NSD1: variants seen among roughly 807,000 people sequenced by gnomAD.
NSD1 encodes histone-lysine N-methyltransferase, H3 lysine-36 specific.
Under a neutral mutation model 242.7 loss-of-function variants are expected in NSD1, and 26 were observed. The observed-to-expected ratio is 0.11, with a 90% CI of 0.08 to 0.15. NSD1 has a LOEUF of 0.15. Ranked by LOEUF, NSD1 falls within the 10% of genes least tolerant of loss-of-function variation. The pLI, the probability that NSD1 is intolerant of heterozygous loss-of-function variation, is 1.00. For synonymous variants in NSD1, 1,106 were observed against 1,178.1 expected (o/e 0.94, Z 1.25); for missense variants, 2,495 against 3,272.8 (o/e 0.76, Z 5.80).
In NSD1 at chr5:177,158,333, C is replaced by CTTTCT. The variant is rs1158787171; in HGVS notation, c.927+22306_927+22310dup. Among the ~76,000 whole-genome samples, 39 of 123,016 alleles carry CTTTCT rather than the reference C, an allele frequency of 3.2e-4. 1 individual carries two copies. Among genetic ancestry groups the CTTTCT allele is most frequent in the Admixed American group, 7.8e-4 (9 of 11,592 alleles). 80.7% of individuals were successfully genotyped at this position (123,016 alleles called of 152,430 possible). On this transcript the variant is annotated intron_variant, in intron 2 of 22. Coordinates refer to ENST00000439151, the MANE Select transcript of NSD1 (RefSeq NM_022455.5). ...TTCTTTTCTTTCTTTTCTTTCTTTTCTTTCTTTCTTTCTTTCTTTTTTTAG... is the reference window on the plus strand; with the variant it reads ...TTCTTTTCTTTCTTTTCTTTCTTTTCTTTCTTTTCTTTCTTTCTTTCTTTTTTTAG...
chr5:177,189,175 C>A (rs1043615607), intron 2 of NSD1, among the ~76,000 whole-genome samples: 1 of 152,270 alleles, frequency 6.6e-6, no homozygotes, highest in Non-Finnish European at 1.5e-5. Flanking sequence ...ACTAGTTACT[C>A]ATTTTGATGG....
intron 5 of NSD1, among the ~76,000 whole-genome samples, chr5:177,217,737 G>A (rs557464383): frequency 6.3e-5 from 9 of 142,782 alleles, no homozygotes; most frequent in African/African-American, 2.4e-4. Context: ...GCGCGATCTC[G>A]GCTCACTGCA....
At chr5:177,291,466 A>G (rs953808933) in intron 21 of NSD1, among the ~76,000 whole-genome samples, 2 of 152,190 alleles carry the variant, frequency 1.3e-5, no homozygotes, top group Non-Finnish European at 2.9e-5. Context: ...CAGCTTAACC[A>G]ATATGCTGAA....
At chr5:177,158,064 T>G (rs1305754412) in intron 2 of NSD1, among the ~76,000 whole-genome samples, 1 of 152,234 alleles carries the variant, frequency 6.6e-6, no homozygotes, top group Non-Finnish European at 1.5e-5. Flanking sequence ...TGTGAAAATT[T>G]GTATTAAAGT....
intron 2 of NSD1, among the ~76,000 whole-genome samples, chr5:177,157,951 C>T (rs1462229199): frequency 1.3e-5 from 2 of 152,198 alleles, no homozygotes; most frequent in Non-Finnish European, 2.9e-5. Context: ...TTCCATTTTA[C>T]TGCTGAATAT....
chr5:177,172,279 T>A (rs1197262112), intron 2 of NSD1, among the ~76,000 whole-genome samples: 1 of 152,082 alleles, frequency 6.6e-6, no homozygotes, highest in African/African-American at 2.4e-5. Flanking sequence ...GAGGCCAAGG[T>A]GGGAGAATTT....
chr5:177,240,736 A>C (rs1371355554), intron 8 of NSD1, among the ~76,000 whole-genome samples: 1 of 151,828 alleles, frequency 6.6e-6, no homozygotes, highest in Non-Finnish European at 1.5e-5. Context: ...ATCTATTGTG[A>C]TGGCTCAAGC....
At chr5:177,151,814 C>T (rs987824321) in intron 2 of NSD1, among the ~76,000 whole-genome samples, 4 of 152,026 alleles carry the variant, frequency 2.6e-5, no homozygotes, top group Non-Finnish European at 5.9e-5. Context: ...ACCTCTGCCC[C>T]TTTGAGTAGG....
At chr5:177,258,738 A>T (rs1194367426) in intron 13 of NSD1, among the ~76,000 whole-genome samples, 1 of 151,260 alleles carries the variant, frequency 6.6e-6, no homozygotes, top group African/African-American at 2.4e-5. Flanking sequence ...GTTTCATCAT[A>T]TCGGTCAGGC....
At chr5:177,259,922 ACT>A in intron 13 of NSD1, 65 bp from the exon 14 acceptor site, 2 of 1,547,010 alleles carry the variant, frequency 1.3e-6, no homozygotes, top group Non-Finnish European at 1.8e-6. Flanking sequence ...GACTTGAATA[ACT>A]CACATTCTTT....
intron 2 of NSD1, among the ~76,000 whole-genome samples, chr5:177,163,873 C>CT (rs1322880770): frequency 6.6e-6 from 1 of 152,166 alleles, no homozygotes; most frequent in African/African-American, 2.4e-5. Context: ...GCTTTCAGAG[C>CT]ATTTACTTTC....
rs1317942329 is a variant in NSD1, at chr5:177,297,314, AAAGG to A, written c.*1859_*1862del. On this transcript the variant is annotated 3_prime_UTR_variant, in exon 23 of 23. Coordinates refer to ENST00000439151, the MANE Select transcript of NSD1 (RefSeq NM_022455.5). Reference sequence around the variant, plus strand: ...TCAAAGAGGAAAAGCTCTTTGTTCAAAAGGAAGAGAAAACGTAAAGCATCTTATT... The same window carrying A: ...TCAAAGAGGAAAAGCTCTTTGTTCAAAAGAGAAAACGTAAAGCATCTTATT... The A allele has an allele frequency of 1.7e-5, 4 of 231,108 alleles. No individual in the cohort carries two copies. Among genetic ancestry groups the A allele is most frequent in the Non-Finnish European group, 3.4e-5 (4 of 116,862 alleles). 14.3% of individuals were successfully genotyped at this position (231,108 alleles called of 1,614,324 possible).
At position 177,280,545 on chromosome 5, in the gene NSD1, A is replaced by G; in HGVS notation, c.5623-20A>G. On this transcript the variant is annotated intron_variant, in intron 17 of 22. Transcript: ENST00000439151. ...TCTGCTGACTTGTTTTATGCGGTGT[A>G]CTTTGTGTTACTTTTCCAGGTAAAC... is the stretch of plus-strand genomic sequence containing the variant. 6.2e-7 allele frequency: 1 copy of G among 1,614,194 alleles called. No homozygotes were observed. The highest frequency in any genetic ancestry group is 8.5e-7 in the Non-Finnish European group (1 of 1,180,024).
intron 13 of NSD1, among the ~76,000 whole-genome samples, chr5:177,257,840 T>TA (rs767050679): frequency 0.046 from 6,891 of 150,444 alleles, 173 homozygotes; most frequent in South Asian, 0.081. Context: ...TTATTTTATT[T>TA]TATTTTTTTT....
In NSD1 at chr5:177,295,654, T is replaced by C; in HGVS notation, c.*195T>C. On this transcript the variant is annotated 3_prime_UTR_variant, in exon 23 of 23. Transcript: ENST00000439151. The surrounding 1 kb of genome is among the most constrained non-coding windows in gnomAD (Gnocchi z 4.3). ...TGGGGGCTTATGGTTGTGTGAACCA[T>C]GTATGAAAATCCAGTGGGCCCCAAC... is the stretch of plus-strand genomic sequence containing the variant. The C allele has an allele frequency of 3.0e-6, 2 of 671,000 alleles. No homozygotes were observed. Among genetic ancestry groups the C allele is most frequent in the Middle Eastern group, 4.1e-4 (1 of 2,438 alleles). The allele number at this position is 671,000 out of a possible 1,614,324, so 41.6% of individuals were successfully genotyped here. A position where few individuals can be genotyped will look rare whatever the true frequency, so the allele number is the denominator to read the frequency against.
Position 177,238,137 on chromosome 5 carries a change from T to C in NSD1, c.3922-100T>C, listed in dbSNP as rs1765599416. 30 of 1,363,116 alleles carry C rather than the reference T, an allele frequency of 2.2e-5. No individual in the cohort carries two copies. The highest frequency in any genetic ancestry group is 3.0e-5 in the Non-Finnish European group (29 of 955,094). 84.4% of individuals were successfully genotyped at this position (1,363,116 alleles called of 1,614,324 possible). A position where few individuals can be genotyped will look rare whatever the true frequency, so the allele number is the denominator to read the frequency against. ...CAAGGTTCATCCACTTTTTGTAGCCTTTGTCAGAATTTCATTCCTTTTAAA... is the reference window on the plus strand; with the variant it reads ...CAAGGTTCATCCACTTTTTGTAGCCCTTGTCAGAATTTCATTCCTTTTAAA... On this transcript the variant is annotated intron_variant, in intron 6 of 22. Coordinates refer to ENST00000439151, the MANE Select transcript of NSD1 (RefSeq NM_022455.5). The surrounding 1 kb of genome is among the most constrained non-coding windows in gnomAD (Gnocchi z 4.6).
intron 14 of NSD1, 69 bp from the exon 15 acceptor site, chr5:177,267,493 G>A (rs1562278256): frequency 2.0e-5 from 24 of 1,191,556 alleles, no homozygotes; most frequent in Non-Finnish European, 2.8e-5. Flanking sequence ...ATATATATAT[G>A]TGTATGGATG....
At chr5:177,193,597 C>T (rs189718754) in intron 3 of NSD1, among the ~76,000 whole-genome samples, 6 of 151,626 alleles carry the variant, frequency 4.0e-5, no homozygotes, top group Admixed American at 3.9e-4. Flanking sequence ...TTTGAGCTGT[C>T]CTTTTTTCTG....
intron 5 of NSD1, among the ~76,000 whole-genome samples, chr5:177,212,549 C>T (rs1763443603): frequency 6.9e-6 from 1 of 144,070 alleles, no homozygotes; most frequent in African/African-American, 2.6e-5. Context: ...GTTGCCCAGG[C>T]TGGTCTCAAA....
Sources: gnomAD v4.1 joint callset for allele counts (sites outside exome capture counted in the v4.1 genomes callset) on GRCh38, gnomAD v4.1.1 for gene constraint, Gnocchi (gnomAD v3.1) non-coding constraint, MANE v1.5 for transcripts, NCBI Gene and HGNC (gene_info 2026-07-23, HGNC 2026-07-21) for gene names.